The following WNK1 variants were observed in gnomAD, a reference collection of about 807,000 sequenced individuals.
WNK1 encodes the protein WNK lysine deficient protein kinase 1.
In WNK1, 38 loss-of-function variants were observed where a neutral mutation model predicts 222.8. The observed-to-expected ratio is 0.17, with a 90% CI of 0.13 to 0.22. The LOEUF is 0.22. Ranked by LOEUF, WNK1 falls within the 10% of genes least tolerant of loss-of-function variation. WNK1 has a pLI of 1.00. For missense variants in WNK1, 2,348 were observed against 2,918.4 expected, an observed-to-expected ratio of 0.80 and a Z score of 4.50; for synonymous variants, 1,090 against 1,092.9, an observed-to-expected ratio of 1.00 and a Z score of 0.05.
rs750612826 is a variant in WNK1 at position 881,999 on chromosome 12, C to T, written c.3298C>T (p.Arg1100Trp). ...AAGGCATGAAGGAAGAACTACAAAACGGCATTACCGAAAATCTGTAAGGAG... is the reference window on the plus strand; with the variant it reads ...AAGGCATGAAGGAAGAACTACAAAATGGCATTACCGAAAATCTGTAAGGAG... ...SGRHEGRTTKRHYRKSVRSRS... is the reference protein window; with the variant it reads ...SGRHEGRTTKWHYRKSVRSRS... The change falls in exon 14 of 28, where the codon CGG becomes TGG. Residue 1100 changes from arginine to tryptophan, a missense_variant. Physicochemically the swap from Arg to Trp is moderately radical, Grantham distance 101. Around this residue, in one of 13 missense-constraint regions of WNK1, gnomAD observed 547 missense variants for 558.3 expected, o/e 0.98. Transcript: ENST00000315939. 7.4e-6 allele frequency: 12 copies of T among 1,614,128 alleles called. No homozygotes were observed. The highest frequency in any genetic ancestry group is 1.6e-4 in the Middle Eastern group (1 of 6,062).
chr12:851,495 C>T, intron 4 of WNK1: 2 of 1,141,990 alleles, frequency 1.8e-6, no homozygotes, highest in Non-Finnish European at 2.2e-6. Context: ...GCAGTTTTGT[C>T]CATCTAGAAT....
intron 2 of WNK1, among the ~76,000 whole-genome samples, chr12:823,398 C>T (rs889638832): frequency 2.6e-5 from 4 of 152,118 alleles, no homozygotes; most frequent in Non-Finnish European, 4.4e-5. Context: ...TTATCTAGGA[C>T]TCCCATTGTG....
At chr12:766,040 G>A (rs1941652549) in intron 1 of WNK1, among the ~76,000 whole-genome samples, 1 of 152,166 alleles carries the variant, frequency 6.6e-6, no homozygotes, top group Non-Finnish European at 1.5e-5. Context: ...GGGAAAATTT[G>A]CAGTGGGTTT....
At chr12:846,458 G>A (rs1327436627) in intron 4 of WNK1, among the ~76,000 whole-genome samples, 1 of 152,170 alleles carries the variant, frequency 6.6e-6, no homozygotes, top group East Asian at 1.9e-4. Flanking sequence ...TATTCAGAGA[G>A]TAACGAGCCT....
Position 897,568 on chromosome 12 carries a change from T to A in WNK1, c.6335T>A (p.Val2112Asp). ...YTKLGKVPPA[V>D]IIPPAAPLSG... Reference sequence around the variant, plus strand: ...AAACTGGGCAAGGTGCCCCCTGCTGTTATTATTCCCCCAGCTGCTCCCCTT... The same window carrying A: ...AAACTGGGCAAGGTGCCCCCTGCTGATATTATTCCCCCAGCTGCTCCCCTT... The change falls in exon 25 of 28, where the codon GTT becomes GAT. Residue 2112 changes from valine to aspartate, a missense_variant. Val to Asp is a radical substitution (Grantham distance 152, BLOSUM62 -3). This residue lies in a region of WNK1 where 1,144 missense variants were observed against 1,273.6 expected (regional missense o/e 0.90). Coordinates refer to ENST00000315939, the MANE Select transcript of WNK1 (RefSeq NM_018979.4). 6.2e-7 allele frequency: 1 copy of A among 1,614,122 alleles called. No individual in the cohort carries two copies. Among genetic ancestry groups the A allele is most frequent in the South Asian group, 1.1e-5 (1 of 91,086 alleles).
intron 4 of WNK1, among the ~76,000 whole-genome samples, chr12:836,463 T>G (rs1267490873): frequency 6.6e-6 from 1 of 152,246 alleles, no homozygotes; most frequent in Non-Finnish European, 1.5e-5. Context: ...TCTCAATAGA[T>G]TCTTGATGTT....
intron 25 of WNK1, among the ~76,000 whole-genome samples, chr12:898,422 G>T (rs1411544187): frequency 1.3e-5 from 2 of 150,120 alleles, no homozygotes; most frequent in East Asian, 4.0e-4. Flanking sequence ...GGCGGAGCTT[G>T]CAGTGAGCTG....
chr12:782,286 C>A (rs910555464), intron 1 of WNK1, among the ~76,000 whole-genome samples: 50 of 152,288 alleles, frequency 3.3e-4, no homozygotes, highest in African/African-American at 1.1e-3. Context: ...GGTGACTGAT[C>A]TAGCAAGTCC....
At chr12:761,244 C>T (rs1308259267) in intron 1 of WNK1, among the ~76,000 whole-genome samples, 1 of 147,826 alleles carries the variant, frequency 6.8e-6, no homozygotes, top group Non-Finnish European at 1.5e-5. Context: ...AAATAATTTA[C>T]TTTTTAGTGT....
In WNK1 at chr12:759,335, G is replaced by GT. The variant is rs1215276172; in HGVS notation, c.759+5018dup. Among the ~76,000 whole-genome samples, 8 of 146,170 alleles carry GT rather than the reference G, an allele frequency of 5.5e-5. 1 individual carries two copies. The East Asian group carries it at 1.2e-3, about 22-fold the overall frequency. On this transcript the variant is annotated intron_variant, in intron 1 of 27. Coordinates refer to ENST00000315939, the MANE Select transcript of WNK1 (RefSeq NM_018979.4). ...AACTTGCATTTTGTTTGAGTTTTTT[G>GT]TTTTTTTGTTTTTGAGACAGAGTCT...
At chr12:881,267 T>C (rs1310780976) in intron 12 of WNK1, among the ~76,000 whole-genome samples, 2 of 152,358 alleles carry the variant, frequency 1.3e-5, no homozygotes, top group South Asian at 4.1e-4. Flanking sequence ...TTAGCCATTA[T>C]TCTTGTCCTT....
chr12:904,382 T>G (rs1472485696), intron 26 of WNK1: 4 of 1,219,412 alleles, frequency 3.3e-6, no homozygotes, highest in East Asian at 1.1e-4. Context: ...TGTGTGCTGT[T>G]TGGAGATTCT....
rs1351820211 is a variant in WNK1 at position 752,690 on chromosome 12, C to CT, written c.-875dup. On this transcript the variant is annotated 5_prime_UTR_variant, in exon 1 of 28. Coordinates refer to ENST00000315939, the MANE Select transcript of WNK1 (RefSeq NM_018979.4). ...AGAAGGCGCCTGGTGGGGGTGGCTG[C>CT]TCTTTTCTCTCCCTGTTCCCCCTCA... 6.6e-6 allele frequency: 1 copy of CT among 152,436 alleles called. No homozygotes were observed. The highest frequency in any genetic ancestry group is 1.5e-5 in the Non-Finnish European group (1 of 68,230). 9.4% of individuals were successfully genotyped at this position (152,436 alleles called of 1,614,324 possible). A position where few individuals can be genotyped will look rare whatever the true frequency, so the allele number is the denominator to read the frequency against.
chr12:855,612 A>G (rs1950725884), intron 4 of WNK1, among the ~76,000 whole-genome samples: 1 of 152,096 alleles, frequency 6.6e-6, no homozygotes, highest in African/African-American at 2.4e-5. Context: ...TAATAACTTA[A>G]CTTTTCTGAC....
Position 885,783 on chromosome 12 carries a change from G to A in WNK1, c.4979G>A (p.Arg1660Gln), listed in dbSNP as rs1177017375. ...ATAAAGACTCTAGAAGAAAAGCTGC[G>A]GTCTCTGTTCAGTGAACACAGCTCA... ...DDIKTLEEKL[R>Q]SLFSEHSSSG... The change falls in exon 19 of 28, where the codon CGG becomes CAG. Residue 1660 changes from arginine (R) to glutamine (Q), a missense_variant. Physicochemically the swap from Arg to Gln is conservative, Grantham distance 43. Around this residue, in one of 13 missense-constraint regions of WNK1, gnomAD observed 1,144 missense variants for 1,273.6 expected, o/e 0.90. Coordinates refer to ENST00000315939, the MANE Select transcript of WNK1 (RefSeq NM_018979.4). The A allele has an allele frequency of 6.2e-7, 1 of 1,614,120 alleles. No homozygotes were observed. Among genetic ancestry groups the A allele is most frequent in the Non-Finnish European group, 8.5e-7 (1 of 1,180,014 alleles).
intron 1 of WNK1, among the ~76,000 whole-genome samples, chr12:786,883 A>C (rs970847275): frequency 1.3e-5 from 2 of 152,092 alleles, no homozygotes; most frequent in African/African-American, 4.8e-5. Context: ...ACTTTAACGT[A>C]CATTTATAGT....
chr12:797,985 T>C (rs1945489351), intron 1 of WNK1, among the ~76,000 whole-genome samples: 1 of 151,748 alleles, frequency 6.6e-6, no homozygotes, highest in Non-Finnish European at 1.5e-5. Flanking sequence ...TAACCTCTAT[T>C]CTATGTATTT....
intron 4 of WNK1, 122 bp downstream of exon 4, chr12:830,282 G>T: frequency 1.8e-6 from 2 of 1,129,700 alleles, no homozygotes; most frequent in South Asian, 2.6e-5. Context: ...GAACTGTTGG[G>T]GTTGGGGGGG....
In WNK1 at chr12:911,393, G is replaced by C; in HGVS notation, c.*2601G>C. 1 of 398,598 alleles carries C rather than the reference G, an allele frequency of 2.5e-6. No individual in the cohort carries two copies. Among genetic ancestry groups the C allele is most frequent in the Non-Finnish European group, 4.4e-6 (1 of 226,050 alleles). The allele number at this position is 398,598 out of a possible 1,614,324, so 24.7% of individuals were successfully genotyped here. On this transcript the variant is annotated 3_prime_UTR_variant, in exon 28 of 28. Coordinates refer to ENST00000315939, the MANE Select transcript of WNK1 (RefSeq NM_018979.4). Reference sequence around the variant, plus strand: ...AAGATTGCGCTTTGTGCTTCAGTTTGTTACCTTTGTAGACTTATTTAATGA... The same window carrying C: ...AAGATTGCGCTTTGTGCTTCAGTTTCTTACCTTTGTAGACTTATTTAATGA...
Sources: gnomAD v4.1 joint callset for allele counts (sites outside exome capture counted in the v4.1 genomes callset) on GRCh38, gnomAD v4.1.1 for gene constraint, gnomAD v4.1.1 regional missense constraint, MANE v1.5 for transcripts, NCBI Gene and HGNC (gene_info 2026-07-23, HGNC 2026-07-21) for gene names.